Variants in LOXHD1 observed in about 807,000 individuals in gnomAD.
LOXHD1 encodes the protein lipoxygenase homology domain-containing protein 1.
LOXHD1 carries 205 observed loss-of-function variants against 248.2 expected under a neutral mutation model. The observed-to-expected ratio is 0.83, with a 90% CI of 0.74 to 0.93. LOXHD1 has a LOEUF of 0.93. Ranked by LOEUF, LOXHD1 falls within the 40% of genes least tolerant of loss-of-function variation. The pLI is 0.00. For missense variants in LOXHD1, 2,930 were observed against 2,971.6 expected (o/e 0.99, Z 0.33); for synonymous variants, 1,113 against 1,162.8 (o/e 0.96, Z 0.87).
At chr18:46,522,042 T>C in intron 32 of LOXHD1, 59 bp downstream of exon 32, 2 of 905,606 alleles carry the variant, frequency 2.2e-6, no homozygotes, top group Non-Finnish European at 1.6e-6. Context: ...ACCCAGGAAC[T>C]GGTCAGCTCT....
Position 46,546,929 on chromosome 18 carries a change from G to T in LOXHD1, c.3480C>A (p.Asn1160Lys), listed in dbSNP as rs1244479583. The T allele has an allele frequency of 6.4e-7, 1 of 1,551,388 alleles. No individual in the cohort carries two copies. The highest frequency in any genetic ancestry group is 8.7e-7 in the Non-Finnish European group (1 of 1,146,838). ...QSEEGRGGGD[N>K]NPLDNLALEQ... The stretch of plus-strand genomic sequence containing the variant: ...CCAGGGCCAGGTTGTCGAGGGGGTT[G>T]TTGTCACCGCCTCCCCTACCCTCCT... Residue 1160 changes from asparagine (N) to lysine (K), a missense_variant, in exon 22 of 41, where the codon AAC becomes AAA. Physicochemically the swap from Asn to Lys is moderately conservative, Grantham distance 94 (BLOSUM62 0). Coordinates refer to ENST00000642948, the MANE Select transcript of LOXHD1 (RefSeq NM_001384474.1).
intron 4 of LOXHD1, among the ~76,000 whole-genome samples, chr18:46,626,963 T>C (rs1599059767): frequency 1.3e-5 from 2 of 152,368 alleles, no homozygotes; most frequent in South Asian, 2.1e-4. Context: ...AGCCATTGAG[T>C]AAGTGCTGCA....
At position 46,593,823 on chromosome 18, in the gene LOXHD1, G is replaced by A. The variant is rs2144243718; in HGVS notation, c.1271-63C>T. ...AGTGAAGAGATTTTCATATTACCAT[G>A]GGGAAGAAGGAAAAATCCAAAATGA... On this transcript the variant is annotated intron_variant, in intron 9 of 40. Transcript: ENST00000642948. The A allele has an allele frequency of 2.0e-6, 3 of 1,524,304 alleles. No homozygotes were observed. In the South Asian group the frequency reaches 3.6e-5, roughly 18 times the overall value. 94.4% of individuals were successfully genotyped at this position (1,524,304 alleles called of 1,614,324 possible). A position where few individuals can be genotyped will look rare whatever the true frequency, so the allele number is the denominator to read the frequency against.
chr18:46,546,903 T>C lies in LOXHD1; in HGVS notation c.3506A>G (p.Glu1169Gly). 6.5e-7 allele frequency: 1 copy of C among 1,549,810 alleles called. No homozygotes were observed. The highest frequency in any genetic ancestry group is 8.7e-7 in the Non-Finnish European group (1 of 1,145,440). Residue 1169 changes from glutamate (E) to glycine (G), a missense_variant, in exon 22 of 41, where the codon GAG becomes GGG. Transcript: ENST00000642948. ...GCTCTAGTTTAGAAAACCTTTCTGC[T>C]CCAGGGCCAGGTTGTCGAGGGGGTT... ...DNNPLDNLAL[E>G]QKDKSTTFSV...
chr18:46,600,629 G>A (rs773342925), intron 8 of LOXHD1, among the ~76,000 whole-genome samples: 1 of 142,512 alleles, frequency 7.0e-6, no homozygotes, highest in African/African-American at 2.5e-5. Flanking sequence ...GGAAGGAAGG[G>A]AGGGAGGGAG....
chr18:46,609,677 A>T (rs991168381), intron 6 of LOXHD1, among the ~76,000 whole-genome samples: 1 of 152,208 alleles, frequency 6.6e-6, no homozygotes, highest in African/African-American at 2.4e-5. Flanking sequence ...GTGAATTTTT[A>T]ATACTCTTTT....
chr18:46,643,926 C>T (rs2038995699), intron 2 of LOXHD1, among the ~76,000 whole-genome samples: 1 of 152,108 alleles, frequency 6.6e-6, no homozygotes, highest in Admixed American at 6.5e-5. Flanking sequence ...AATGTACAAA[C>T]AGAATAATCA....
At chr18:46,497,636 G>C (rs903692067) in intron 37 of LOXHD1, among the ~76,000 whole-genome samples, 3 of 152,122 alleles carry the variant, frequency 2.0e-5, no homozygotes, top group African/African-American at 7.2e-5. Context: ...TGAAAGAGAA[G>C]TATAAGTATA....
chr18:46,545,730 C>G lies in LOXHD1; in HGVS notation c.3515-309G>C, dbSNP rs9962885. Reference sequence around the variant, plus strand: ...CTGCAAGCTCCGCCTCCCGGGTTCACGCCATTCTCCTGCCTCAGCCTCCCA... The same window carrying G: ...CTGCAAGCTCCGCCTCCCGGGTTCAGGCCATTCTCCTGCCTCAGCCTCCCA... On this transcript the variant is annotated intron_variant, in intron 22 of 40. Coordinates refer to ENST00000642948, the MANE Select transcript of LOXHD1 (RefSeq NM_001384474.1). Among the ~76,000 whole-genome samples, 6 of 143,746 alleles carry G rather than the reference C, an allele frequency of 4.2e-5. No individual in the cohort carries two copies. In the South Asian group the frequency reaches 1.4e-3, roughly 33 times the overall value. 94.3% of individuals were successfully genotyped at this position (143,746 alleles called of 152,430 possible). A position where few individuals can be genotyped will look rare whatever the true frequency, so the allele number is the denominator to read the frequency against.
In LOXHD1 at chr18:46,601,097, G is replaced by C. The variant is rs970025220; in HGVS notation, c.1134+120C>G. ...ACCACCCAAAATGCCCAATGAAAGA[G>C]ATTGCCCATGCACTCTGTAACTAGT... On this transcript the variant is annotated intron_variant, in intron 8 of 40. Transcript: ENST00000642948. 2.1e-5 allele frequency: 28 copies of C among 1,311,388 alleles called. No individual in the cohort carries two copies. In the African/African-American group the frequency reaches 3.0e-4, roughly 14 times the overall value. The allele number at this position is 1,311,388 out of a possible 1,614,324, so 81.2% of individuals were successfully genotyped here. A position where few individuals can be genotyped will look rare whatever the true frequency, so the allele number is the denominator to read the frequency against.
intron 28 of LOXHD1, among the ~76,000 whole-genome samples, chr18:46,530,999 C>T (rs2062367133): frequency 1.3e-5 from 2 of 152,150 alleles, no homozygotes; most frequent in African/African-American, 4.8e-5. Context: ...GGCGTCTCCA[C>T]GTTGACCAGA....
At chr18:46,650,084 CCAGCCACCCTA>C (rs1022330892) in intron 1 of LOXHD1, among the ~76,000 whole-genome samples, 1 of 152,108 alleles carries the variant, frequency 6.6e-6, no homozygotes, top group Non-Finnish European at 1.5e-5. Flanking sequence ...GTTGCTGCCA[CCAGCCACCCTA>C]GAGCCACATC....
intron 35 of LOXHD1, 30 bp downstream of exon 35, chr18:46,509,668 G>A: frequency 3.4e-6 from 5 of 1,490,368 alleles, no homozygotes; most frequent in South Asian, 2.4e-5. Context: ...GTGGTGGCTG[G>A]AAGGAAGAGT....
chr18:46,506,083 C>T, intron 36 of LOXHD1, 60 bp from the exon 37 acceptor site: 1 of 1,529,514 alleles, frequency 6.5e-7, no homozygotes, highest in Non-Finnish European at 8.8e-7. Context: ...AGTCCTCTTG[C>T]TCTGGCCTTG....
Position 46,579,730 on chromosome 18 carries a change from T to A in LOXHD1, c.1709A>T (p.Asp570Val), listed in dbSNP as rs762962571. Residue 570 changes from aspartate (D) to valine (V), a missense_variant, in exon 13 of 41, where the codon GAT (aspartate) becomes GTT (valine). By Grantham distance (152) the Asp-to-Val change is radical. Coordinates refer to ENST00000642948, the MANE Select transcript of LOXHD1 (RefSeq NM_001384474.1). ...AAAAAGGCAGAGATAGACGTTGGCA[T>A]CGGTCCCAGCACCTTCAAGTTCACC... ...CTGELEGAGT[D>V]ANVYLCLFGD... The A allele has an allele frequency of 1.9e-6, 3 of 1,551,818 alleles. No homozygotes were observed. Among genetic ancestry groups the A allele is most frequent in the South Asian group, 1.2e-5 (1 of 84,060 alleles).
intron 4 of LOXHD1, 39 bp from the exon 5 acceptor site, chr18:46,618,329 A>C (rs2038619179): frequency 7.0e-7 from 1 of 1,436,226 alleles, no homozygotes; most frequent in African/African-American, 1.4e-5. Context: ...GCTCATCAGG[A>C]TCCTGAAAAG....
At chr18:46,555,784 A>G (rs1425318405) in intron 21 of LOXHD1, among the ~76,000 whole-genome samples, 2 of 151,982 alleles carry the variant, frequency 1.3e-5, no homozygotes, top group African/African-American at 4.8e-5. Context: ...TTCAACATAG[A>G]CAGTCTGGAG....
At chr18:46,583,759 A>G (rs1197224429) in intron 12 of LOXHD1, among the ~76,000 whole-genome samples, 1 of 152,160 alleles carries the variant, frequency 6.6e-6, no homozygotes, top group East Asian at 1.9e-4. Context: ...TAGTATGGCC[A>G]TTATGAAAAA....
chr18:46,630,489 C>A (rs1390171498), intron 4 of LOXHD1, among the ~76,000 whole-genome samples: 1 of 152,220 alleles, frequency 6.6e-6, no homozygotes, highest in Non-Finnish European at 1.5e-5. Flanking sequence ...TCCCTACCAG[C>A]CCAAGCTCCT....
Sources: allele counts gnomAD v4.1 joint callset (sites outside exome capture counted in the v4.1 genomes callset), GRCh38; gene constraint gnomAD v4.1.1; transcripts MANE v1.5; gene names NCBI Gene and HGNC (gene_info 2026-07-23, HGNC 2026-07-21).